The following DAG1 variants were observed in gnomAD, a reference collection of about 807,000 sequenced individuals.
The protein encoded by DAG1 is dystroglycan 1.
A neutral mutation model predicts 46.1 loss-of-function variants in DAG1; 8 were observed. The ratio of observed to expected loss-of-function variants is 0.17; its 90% CI spans 0.10 to 0.31. DAG1 has a LOEUF of 0.31. Ranked by LOEUF, DAG1 falls within the 10% of genes least tolerant of loss-of-function variation. The probability of loss-of-function intolerance (pLI) is 1.00; values close to 1 mark genes in which losing one functional copy is unlikely to be tolerated. For synonymous variants in DAG1, 495 were observed against 481.8 expected, an observed-to-expected ratio of 1.03 and a Z score of -0.36; for missense variants, 1,003 against 1,189.9, an observed-to-expected ratio of 0.84 and a Z score of 2.31.
At chr3:49,530,010 T>C (rs2051295208) in intron 2 of DAG1, among the ~76,000 whole-genome samples, 1 of 152,204 alleles carries the variant, frequency 6.6e-6, no homozygotes, top group African/African-American at 2.4e-5. Context: ...AAGAGGTCTC[T>C]GTGTATTTCC....
At chr3:49,523,541 T>C (rs150121120) in intron 2 of DAG1, among the ~76,000 whole-genome samples, 176 of 152,354 alleles carry the variant, frequency 1.2e-3, no homozygotes, top group Non-Finnish European at 1.9e-3. Flanking sequence ...TTTGTTTCTC[T>C]ATATGATTTT....
intron 1 of DAG1, among the ~76,000 whole-genome samples, chr3:49,475,107 CG>C (rs1399330697): frequency 6.8e-6 from 1 of 148,086 alleles, no homozygotes; most frequent in Non-Finnish European, 1.5e-5. Flanking sequence ...CCACCGTGCC[CG>C]GTTTTTTTTT....
At chr3:49,488,503 C>A (rs1489083537) in intron 1 of DAG1, 1 of 152,134 alleles carries the variant, frequency 6.6e-6, no homozygotes, top group Non-Finnish European at 1.5e-5. Flanking sequence ...GATACTTAGA[C>A]ATTTAGATGT....
In DAG1 at chr3:49,531,059, C is replaced by G; in HGVS notation, c.548C>G (p.Ala183Gly). ...GGTGAGGTGGTATCATCTGCCTGTG[C>G]TGCGGATGAACCTGTGACTGTTTTG... ...DPGEVVSSAC[A>G]ADEPVTVLTV... is the part of the protein sequence containing the mutation. Residue 183 changes from alanine (A) to glycine (G), a missense_variant, in exon 3 of 3, where the codon GCT becomes GGT. Around this residue, in one of 3 missense-constraint regions of DAG1, gnomAD observed 196 missense variants for 239.1 expected, o/e 0.82. Coordinates refer to ENST00000308775, the MANE Select transcript of DAG1 (RefSeq NM_004393.6). The surrounding 1 kb of genome is among the most constrained non-coding windows in gnomAD (Gnocchi z 7.0). 6.2e-7 allele frequency: 1 copy of G among 1,614,174 alleles called. No homozygotes were observed. Among genetic ancestry groups the G allele is most frequent in the South Asian group, 1.1e-5 (1 of 91,078 alleles).
chr3:49,498,181 G>A (rs1293453091), intron 1 of DAG1, among the ~76,000 whole-genome samples: 3 of 152,098 alleles, frequency 2.0e-5, no homozygotes, highest in African/African-American at 4.8e-5. Context: ...TGATGGTCCT[G>A]GGGCTCCCTC....
chr3:49,502,725 G>A (rs2050489973), intron 1 of DAG1, among the ~76,000 whole-genome samples: 3 of 146,066 alleles, frequency 2.1e-5, no homozygotes, highest in South Asian at 4.3e-4. Flanking sequence ...TACAAGCTCC[G>A]CCTCCCGGGT....
At chr3:49,488,487 A>G (rs1442798258) in intron 1 of DAG1, 2 of 152,246 alleles carry the variant, frequency 1.3e-5, no homozygotes, top group African/African-American at 2.4e-5. Flanking sequence ...AGAGCAAGAT[A>G]TGCAAGATAC....
chr3:49,492,283 T>C (rs2050210233), intron 1 of DAG1, among the ~76,000 whole-genome samples: 1 of 152,216 alleles, frequency 6.6e-6, no homozygotes, highest in African/African-American at 2.4e-5. Context: ...ACTGGACAGA[T>C]ACATAACAAT....
chr3:49,489,508 A>C (rs1385096978), intron 1 of DAG1, among the ~76,000 whole-genome samples: 1 of 152,198 alleles, frequency 6.6e-6, no homozygotes, highest in African/African-American at 2.4e-5. Context: ...CACTGGATGC[A>C]GCGTGCCCAC....
chr3:49,515,415 C>G (rs1191229069), intron 2 of DAG1, among the ~76,000 whole-genome samples: 1 of 131,760 alleles, frequency 7.6e-6, no homozygotes, highest in Non-Finnish European at 1.6e-5. Flanking sequence ...GAGACAGGGT[C>G]TTGCTCTGTT....
intron 2 of DAG1, among the ~76,000 whole-genome samples, chr3:49,527,166 C>T (rs1257871074): frequency 6.6e-6 from 1 of 150,662 alleles, no homozygotes; most frequent in Non-Finnish European, 1.5e-5. Context: ...CCGAGGTGGG[C>T]AGATCACGAG....
intron 1 of DAG1, among the ~76,000 whole-genome samples, chr3:49,484,175 GAAT>G (rs1192072764): frequency 2.0e-5 from 3 of 152,196 alleles, no homozygotes; most frequent in African/African-American, 7.2e-5. Flanking sequence ...CTAGAAAATA[GAAT>G]AATATTTTGT....
rs762342392 is a variant in DAG1, at chr3:49,531,304, T to A, written c.793T>A (p.Ser265Thr). ...GALLSWKLGC[S>T]LNQNSVPDIH... ...CCTTCTCTCCTGGAAGCTGGGCTGC[T>A]CCCTGAACCAGAACAGTGTGCCTGA... The change falls in exon 3 of 3, where the codon TCC (serine) becomes ACC (threonine). Residue 265 changes from serine (S) to threonine (T), a missense_variant. Physicochemically the swap from Ser to Thr is moderately conservative, Grantham distance 58 (BLOSUM62 1). Transcript: ENST00000308775. This position sits in a 1 kb window ranked among gnomAD's most constrained non-coding sequence, Gnocchi z 7.0. 3.7e-6 allele frequency: 6 copies of A among 1,614,018 alleles called. No individual in the cohort carries two copies. In the South Asian group the frequency reaches 6.6e-5, roughly 18 times the overall value.
At chr3:49,523,611 TG>T (rs1282355747) in intron 2 of DAG1, among the ~76,000 whole-genome samples, 4 of 152,096 alleles carry the variant, frequency 2.6e-5, no homozygotes, top group African/African-American at 9.7e-5. Context: ...TTCTGTTTTG[TG>T]GTATGAACAG....
chr3:49,523,455 A>G (rs2051091836), intron 2 of DAG1, among the ~76,000 whole-genome samples: 1 of 151,986 alleles, frequency 6.6e-6, no homozygotes, highest in Admixed American at 6.6e-5. Context: ...CACTTCCCCC[A>G]TGCCCCTTAG....
chr3:49,503,665 A>G (rs2050517848), intron 1 of DAG1, among the ~76,000 whole-genome samples: 1 of 152,032 alleles, frequency 6.6e-6, no homozygotes, highest in African/African-American at 2.4e-5. Context: ...CACTGTCTCT[A>G]CAGGTACAAA....
chr3:49,478,037 C>T (rs536828209), intron 1 of DAG1, among the ~76,000 whole-genome samples: 4 of 150,522 alleles, frequency 2.7e-5, no homozygotes, highest in African/African-American at 9.8e-5. Flanking sequence ...GAGGCCGAGG[C>T]GGGTACATCA....
chr3:49,532,643 G>A lies in DAG1; in HGVS notation c.2132G>A (p.Gly711Asp). The A allele has an allele frequency of 1.2e-6, 2 of 1,614,036 alleles. No individual in the cohort carries two copies. The highest frequency in any genetic ancestry group is 1.7e-5 in the Admixed American group (1 of 60,024). Reference sequence around the variant, plus strand: ...ACAAGCATCACTGTGACGGGCTCTGGCAGTTGTCGGCACCTACAGTTTATC... The same window carrying A: ...ACAAGCATCACTGTGACGGGCTCTGACAGTTGTCGGCACCTACAGTTTATC... ...KATSITVTGS[G>D]SCRHLQFIPV... Residue 711 changes from glycine (G) to aspartate (D), a missense_variant, in exon 3 of 3, where the codon GGC becomes GAC. Coordinates refer to ENST00000308775, the MANE Select transcript of DAG1 (RefSeq NM_004393.6). This position sits in a 1 kb window ranked among gnomAD's most constrained non-coding sequence, Gnocchi z 5.4.
chr3:49,486,186 T>TTTTA (rs34143078), intron 1 of DAG1, among the ~76,000 whole-genome samples: 17,017 of 145,120 alleles, frequency 0.12, 1,065 homozygotes, highest in Middle Eastern at 0.16. Context: ...TTTCTTTTTC[T>TTTTA]TTTATTTATT....
Sources: allele counts gnomAD v4.1 joint callset (sites outside exome capture counted in the v4.1 genomes callset), GRCh38; gene constraint gnomAD v4.1.1; regional missense constraint gnomAD v4.1.1; non-coding constraint Gnocchi (gnomAD v3.1); transcripts MANE v1.5; gene names NCBI Gene and HGNC (gene_info 2026-07-23, HGNC 2026-07-21).